SEMA3E: variants seen among roughly 807,000 people sequenced by gnomAD.
The protein encoded by SEMA3E is semaphorin-3E.
Under a neutral mutation model 93.6 loss-of-function variants are expected in SEMA3E, and 49 were observed. The observed-to-expected ratio is 0.52, with a 90% CI of 0.42 to 0.66. The LOEUF (loss-of-function observed/expected upper bound fraction) is 0.66, where lower values mean the gene tolerates loss of function less well. Ranked by LOEUF, SEMA3E falls within the 30% of genes least tolerant of loss-of-function variation. SEMA3E has a pLI of 0.00. For synonymous variants in SEMA3E, 363 were observed against 330.7 expected, an observed-to-expected ratio of 1.10 and a Z score of -1.06; for missense variants, 906 against 964.8, an observed-to-expected ratio of 0.94 and a Z score of 0.81.
At chr7:83,371,726 T>TCGCC (rs1386134159) in intron 16 of SEMA3E, 1 of 152,120 alleles carries the variant, frequency 6.6e-6, no homozygotes, top group Non-Finnish European at 1.5e-5. Context: ...TTCCCGTGTA[T>TCGCC]CGCCACCCTG....
intron 14 of SEMA3E, among the ~76,000 whole-genome samples, chr7:83,390,025 GTATACGTATA>G: frequency 6.9e-6 from 1 of 145,926 alleles, no homozygotes; most frequent in Middle Eastern, 3.7e-3. Context: ...GCGTATATGT[GTATACGTATA>G]CACATATATG....
intron 1 of SEMA3E, among the ~76,000 whole-genome samples, chr7:83,507,788 T>TA (rs994311323): frequency 2.7e-5 from 4 of 150,642 alleles, no homozygotes; most frequent in Admixed American, 6.6e-5. Context: ...CCAAAAAAAA[T>TA]AAAAAATAAA....
chr7:83,372,449 CA>C (rs1225714711), intron 16 of SEMA3E, among the ~76,000 whole-genome samples: 1 of 151,878 alleles, frequency 6.6e-6, no homozygotes, highest in Non-Finnish European at 1.5e-5. Flanking sequence ...TAAAAGAAAG[CA>C]AAAAGCAAAA....
chr7:83,611,045 G>A lies in SEMA3E; in HGVS notation c.115+37383C>T, dbSNP rs565710741. Among the ~76,000 whole-genome samples the A allele has an allele frequency of 9.8e-4, 149 of 151,386 alleles. 1 individual carries two copies. The highest frequency in any genetic ancestry group is 1.6e-3 in the Non-Finnish European group (110 of 67,878). On this transcript the variant is annotated intron_variant, in intron 1 of 16. Transcript: ENST00000643230. ...ATTAGGTTGGGGCAAAAGTAATTGCGGATTTGCCATTGCTTTCAATGGCAA... is the reference window on the plus strand; with the variant it reads ...ATTAGGTTGGGGCAAAAGTAATTGCAGATTTGCCATTGCTTTCAATGGCAA...
chr7:83,518,444 A>C (rs574759455), intron 1 of SEMA3E, among the ~76,000 whole-genome samples: 2 of 152,068 alleles, frequency 1.3e-5, no homozygotes, highest in African/African-American at 2.4e-5. Context: ...AGGCTGATAG[A>C]TTGGAAAAGT....
intron 7 of SEMA3E, among the ~76,000 whole-genome samples, chr7:83,406,589 T>C (rs1006479065): frequency 6.6e-6 from 1 of 151,942 alleles, no homozygotes; most frequent in Non-Finnish European, 1.5e-5. Flanking sequence ...TCTTCTTAAA[T>C]GGCAAGGTAA....
Position 83,389,473 on chromosome 7 carries a change from T to C in SEMA3E, c.1668-2423A>G, listed in dbSNP as rs1251043068. Among the ~76,000 whole-genome samples, 3 of 125,096 alleles carry C rather than the reference T, an allele frequency of 2.4e-5. 1 individual carries two copies. The Admixed American group carries it at 2.5e-4, about 10-fold the overall frequency. 82.1% of individuals were successfully genotyped at this position (125,096 alleles called of 152,430 possible). The stretch of plus-strand genomic sequence containing the variant: ...CAAGAACTGAGTGCAAAAATATCGC[T>C]GAAAGTTATTGGAAACATACATTTA... On this transcript the variant is annotated intron_variant, in intron 14 of 16. Transcript: ENST00000643230.
chr7:83,488,971 G>A (rs902268916), intron 2 of SEMA3E, among the ~76,000 whole-genome samples: 1 of 152,008 alleles, frequency 6.6e-6, no homozygotes, highest in Non-Finnish European at 1.5e-5. Context: ...GAAAATTGTA[G>A]AAGTAAAGGA....
intron 1 of SEMA3E, among the ~76,000 whole-genome samples, chr7:83,595,543 A>G (rs2115962337): frequency 6.6e-6 from 1 of 152,146 alleles, no homozygotes; most frequent in East Asian, 1.9e-4. Flanking sequence ...TTTTCTCAGG[A>G]TCCAATTCAG....
rs950769106 is a variant in SEMA3E, at chr7:83,648,817, A to G, written c.-275T>C. The G allele has an allele frequency of 6.9e-6, 3 of 432,404 alleles. No homozygotes were observed. The highest frequency in any genetic ancestry group is 6.0e-5 in the African/African-American group (3 of 49,664). The allele number at this position is 432,404 out of a possible 1,614,324, so 26.8% of individuals were successfully genotyped here. A position where few individuals can be genotyped will look rare whatever the true frequency, so the allele number is the denominator to read the frequency against. Reference sequence around the variant, plus strand: ...TGTCCTGTCTAGAGCGCTCTTCAGCAACTACGCCGGTAGATTCAGGAAGAA... The same window carrying G: ...TGTCCTGTCTAGAGCGCTCTTCAGCGACTACGCCGGTAGATTCAGGAAGAA... On this transcript the variant is annotated 5_prime_UTR_variant, in exon 1 of 17. Transcript: ENST00000643230.
At chr7:83,545,712 C>T (rs962328390) in intron 1 of SEMA3E, among the ~76,000 whole-genome samples, 20 of 149,916 alleles carry the variant, frequency 1.3e-4, no homozygotes, top group Admixed American at 9.4e-4. Context: ...ATGTTAGCAC[C>T]ATTTTCCAGT....
chr7:83,503,612 G>T (rs899781589), intron 1 of SEMA3E, among the ~76,000 whole-genome samples: 1 of 152,056 alleles, frequency 6.6e-6, no homozygotes, highest in Admixed American at 6.6e-5. Flanking sequence ...AACCTAGATG[G>T]TATAGCCTAC....
At chr7:83,445,439 C>T (rs1322728854) in intron 4 of SEMA3E, among the ~76,000 whole-genome samples, 2 of 152,044 alleles carry the variant, frequency 1.3e-5, no homozygotes, top group Non-Finnish European at 2.9e-5. Context: ...TAGGTGGGGC[C>T]GGGCACGGTG....
chr7:83,593,554 A>G (rs1241191226), intron 1 of SEMA3E, among the ~76,000 whole-genome samples: 1 of 152,090 alleles, frequency 6.6e-6, no homozygotes, highest in Admixed American at 6.6e-5. Flanking sequence ...AGAAGCAGTG[A>G]GAAAGAATAA....
At chr7:83,414,480 GTAT>G (rs1422503018) in intron 5 of SEMA3E, among the ~76,000 whole-genome samples, 3 of 151,744 alleles carry the variant, frequency 2.0e-5, no homozygotes, top group East Asian at 1.9e-4. Context: ...ATTCACAAAG[GTAT>G]TATTATTATG....
chr7:83,459,587 G>C (rs1373284637), intron 4 of SEMA3E, among the ~76,000 whole-genome samples: 6 of 152,018 alleles, frequency 3.9e-5, no homozygotes, highest in African/African-American at 1.2e-4. Context: ...TCTTTAAAAT[G>C]AATCAATAAA....
chr7:83,418,713 G>T (rs912797168), intron 4 of SEMA3E, among the ~76,000 whole-genome samples: 1 of 152,096 alleles, frequency 6.6e-6, no homozygotes, highest in Non-Finnish European at 1.5e-5. Context: ...GGTGATGAAA[G>T]AAAATAGCAC....
intron 1 of SEMA3E, among the ~76,000 whole-genome samples, chr7:83,632,414 C>G (rs1456718710): frequency 6.6e-6 from 1 of 152,062 alleles, no homozygotes; most frequent in African/African-American, 2.4e-5. Flanking sequence ...GGGAGGGACC[C>G]AGTGGGAGGT....
At chr7:83,423,751 T>TC (rs1264469504) in intron 4 of SEMA3E, among the ~76,000 whole-genome samples, 1 of 151,558 alleles carries the variant, frequency 6.6e-6, no homozygotes, top group Non-Finnish European at 1.5e-5. Context: ...GACCTCGTGA[T>TC]CCCCCTGCCT....
Sources: gnomAD v4.1 joint callset for allele counts (sites outside exome capture counted in the v4.1 genomes callset) on GRCh38, gnomAD v4.1.1 for gene constraint, MANE v1.5 for transcripts, NCBI Gene and HGNC (gene_info 2026-07-23, HGNC 2026-07-21) for gene names.